The following PYGL variants were observed in gnomAD, a reference collection of about 807,000 sequenced individuals.
PYGL encodes glycogen phosphorylase L, also known as glycogen phosphorylase, liver form.
A neutral mutation model predicts 100.1 loss-of-function variants in PYGL; 90 were observed. The observed-to-expected ratio is 0.90, with a 90% confidence interval of 0.76 to 1.07. PYGL has a LOEUF of 1.07. Ranked by LOEUF, PYGL falls within the 50% of genes least tolerant of loss-of-function variation. PYGL has a pLI of 0.00. For synonymous variants in PYGL, 373 were observed against 393.0 expected (o/e 0.95, Z 0.60); for missense variants, 1,016 against 1,057.6 (o/e 0.96, Z 0.55).
At chr14:50,919,444 G>A (rs1249518736) in intron 7 of PYGL, among the ~76,000 whole-genome samples, 10 of 152,006 alleles carry the variant, frequency 6.6e-5, no homozygotes, top group Admixed American at 5.2e-4. Flanking sequence ...TTAACACCAG[G>A]TGGACATCTG....
chr14:50,938,765 A>G (rs559634793), intron 1 of PYGL, among the ~76,000 whole-genome samples: 18 of 152,282 alleles, frequency 1.2e-4, no homozygotes, highest in Admixed American at 1.0e-3. Context: ...AGTAGATTCA[A>G]TGTTTTGTGT....
chr14:50,935,825 C>T (rs897761301), intron 2 of PYGL, among the ~76,000 whole-genome samples: 2 of 152,244 alleles, frequency 1.3e-5, no homozygotes, highest in Non-Finnish European at 2.9e-5. Context: ...TGGGTTACTG[C>T]CCTGGAGACC....
chr14:50,919,628 A>C (rs1375710005), intron 7 of PYGL, among the ~76,000 whole-genome samples: 1 of 152,072 alleles, frequency 6.6e-6, no homozygotes, highest in Non-Finnish European at 1.5e-5. Flanking sequence ...TAAAACAACC[A>C]AGAATCAATA....
At chr14:50,912,782 T>C (rs377723352) in intron 13 of PYGL, among the ~76,000 whole-genome samples, 39 of 152,080 alleles carry the variant, frequency 2.6e-4, no homozygotes, top group African/African-American at 8.2e-4. Flanking sequence ...AGTGTAACCC[T>C]GTCTCTACTA....
intron 11 of PYGL, 47 bp from the exon 12 acceptor site, chr14:50,914,862 G>T (rs200567105): frequency 7.1e-7 from 1 of 1,407,166 alleles, no homozygotes; most frequent in Non-Finnish European, 1.0e-6. Flanking sequence ...AAACGGCAAA[G>T]GGTCCTGCAC....
chr14:50,916,938 T>C, intron 8 of PYGL, 24 bp downstream of exon 8: 2 of 1,612,522 alleles, frequency 1.2e-6, no homozygotes, highest in Non-Finnish European at 1.7e-6. Flanking sequence ...GGACCCTAAC[T>C]GCATCCACAG....
At chr14:50,922,390 A>G (rs1237386646) in intron 5 of PYGL, among the ~76,000 whole-genome samples, 1 of 152,230 alleles carries the variant, frequency 6.6e-6, no homozygotes, top group East Asian at 1.9e-4. Context: ...ACCTCAAAGT[A>G]ATAAATCACC....
chr14:50,916,770 A>T, intron 8 of PYGL, 36 bp from the exon 9 acceptor site: 1 of 1,591,752 alleles, frequency 6.3e-7, no homozygotes, highest in Non-Finnish European at 8.6e-7. Flanking sequence ...AAGGCAACGG[A>T]TGGCTCAGGG....
intron 4 of PYGL, among the ~76,000 whole-genome samples, chr14:50,925,291 A>G (rs2050537343): frequency 1.3e-5 from 2 of 152,248 alleles, no homozygotes; most frequent in Admixed American, 1.3e-4. Context: ...CTCCATTACC[A>G]TCTTATGGGA....
rs1465111315 is a variant in PYGL, at chr14:50,917,041, T to C, written c.920A>G (p.Asp307Gly). The change falls in exon 8 of 20, where the codon GAT (aspartate) becomes GGT (glycine). Residue 307 changes from aspartate to glycine, a missense_variant. Physicochemically the swap from Asp to Gly is moderately conservative, Grantham distance 94 (BLOSUM62 -1). Transcript: ENST00000216392. Reference protein sequence around the residue: ...EYFVVAATLQDIIRRFKASKF... With the variant: ...EYFVVAATLQGIIRRFKASKF... Reference sequence around the variant, plus strand: ...GGAGGCTTTGAAACGGCGGATGATATCTTGCAAGGTTGCAGCCACCACAAA... The same window carrying C: ...GGAGGCTTTGAAACGGCGGATGATACCTTGCAAGGTTGCAGCCACCACAAA... 6.2e-6 allele frequency: 10 copies of C among 1,613,948 alleles called. No homozygotes were observed. The highest frequency in any genetic ancestry group is 2.5e-6 in the Non-Finnish European group (3 of 1,179,802).
intron 2 of PYGL, among the ~76,000 whole-genome samples, chr14:50,935,684 G>A (rs1191918635): frequency 2.6e-5 from 4 of 152,174 alleles, no homozygotes; most frequent in Non-Finnish European, 4.4e-5. Flanking sequence ...ATATTAATTG[G>A]ACTGAGGGAT....
chr14:50,943,851 T>A (rs1379904595), intron 1 of PYGL, among the ~76,000 whole-genome samples: 1 of 152,102 alleles, frequency 6.6e-6, no homozygotes, highest in African/African-American at 2.4e-5. Context: ...CCAAAAAAGT[T>A]TGTGAAGTGG....
chr14:50,933,215 C>T (rs2050618642), intron 3 of PYGL, among the ~76,000 whole-genome samples: 1 of 152,334 alleles, frequency 6.6e-6, no homozygotes, highest in Admixed American at 6.5e-5. Flanking sequence ...GGTAGGCAGG[C>T]TGGTTCTTAT....
chr14:50,941,014 T>C (rs567813900), intron 1 of PYGL, among the ~76,000 whole-genome samples: 1 of 151,866 alleles, frequency 6.6e-6, no homozygotes, highest in East Asian at 1.9e-4. Flanking sequence ...GTACAGAGGG[T>C]AATGGAAGAT....
At chr14:50,907,001 C>T (rs1352421040) in intron 19 of PYGL, among the ~76,000 whole-genome samples, 1 of 152,200 alleles carries the variant, frequency 6.6e-6, no homozygotes, top group East Asian at 1.9e-4. Context: ...GTTAGTAAAA[C>T]CCACCCTGGA....
chr14:50,937,674 G>A, intron 2 of PYGL, 62 bp downstream of exon 2: 1 of 1,479,912 alleles, frequency 6.8e-7, no homozygotes, highest in Non-Finnish European at 9.4e-7. Flanking sequence ...ATGTCCCCAA[G>A]TTTCCTGAAG....
intron 5 of PYGL, chr14:50,921,449 A>G (rs915448904): frequency 3.6e-5 from 7 of 194,944 alleles, no homozygotes; most frequent in African/African-American, 1.2e-4. Flanking sequence ...GCTGGAGTGC[A>G]GTGGTGCAAT....
rs375744102 is a variant in PYGL, at chr14:50,911,959, T to C, written c.1827+19A>G. Reference sequence around the variant, plus strand: ...AGAGATTAGAGCCCTCAAGTCCCCATTGAATAGATTCAACTTACTTTACCA... The same window carrying C: ...AGAGATTAGAGCCCTCAAGTCCCCACTGAATAGATTCAACTTACTTTACCA... On this transcript the variant is annotated intron_variant, in intron 15 of 19. Transcript: ENST00000216392. 11 of 1,613,038 alleles carry C rather than the reference T, an allele frequency of 6.8e-6. No homozygotes were observed. The highest frequency in any genetic ancestry group is 2.2e-5 in the East Asian group (1 of 44,880).
At chr14:50,911,669 C>T in intron 16 of PYGL, 61 bp downstream of exon 16, 1 of 1,599,788 alleles carries the variant, frequency 6.3e-7, no homozygotes, top group Non-Finnish European at 8.6e-7. Flanking sequence ...CCCCATCTTT[C>T]ATACCATGTA....
Sources: gnomAD v4.1 joint callset for allele counts (sites outside exome capture counted in the v4.1 genomes callset) on GRCh38, gnomAD v4.1.1 for gene constraint, MANE v1.5 for transcripts, NCBI Gene and HGNC (gene_info 2026-07-23, HGNC 2026-07-21) for gene names.